The following NBPF20 variants were observed in gnomAD, a reference collection of about 807,000 sequenced individuals.
NBPF20 encodes NBPF family member NBPF20.
Under a neutral mutation model 68.1 loss-of-function variants are expected in NBPF20, and 90 were observed. The ratio of observed to expected loss-of-function variants is 1.32; its 90% CI spans 1.11 to 1.58. The LOEUF (loss-of-function observed/expected upper bound fraction) is 1.58, where lower values mean the gene tolerates loss of function less well. NBPF20 is among the 40% of genes most tolerant of loss of function. The probability of loss-of-function intolerance (pLI) is 0.00; values close to 1 mark genes in which losing one functional copy is unlikely to be tolerated. For missense variants in NBPF20, 816 were observed against 601.2 expected (o/e 1.36, Z -3.74); for synonymous variants, 290 against 228.1 (o/e 1.27, Z -2.45).
chr1:145,402,275 C>T, exon 4 of NBPF20: 1 of 1,610,202 alleles, frequency 6.2e-7, no homozygotes, highest in African/African-American at 1.3e-5. Context: ...GTAAGGAGGG[C>T]CTGGAGATGC....
chr1:145,292,495 A>G lies in NBPF20; in HGVS notation c.16589-6T>C. 1.4e-6 allele frequency: 1 copy of G among 708,676 alleles called. No homozygotes were observed. The highest frequency in any genetic ancestry group is 2.5e-6 in the Non-Finnish European group (1 of 398,986). The allele number at this position is 708,676 out of a possible 1,614,324, so 43.9% of individuals were successfully genotyped here. The stretch of plus-strand genomic sequence containing the variant: ...CTTCCCCTTCTTTTCAATTTCTGCA[A>G]TAAATTCAGACATGGACAGACACAT... On this transcript the variant is annotated splice_region_variant and splice_polypyrimidine_tract_variant and intron_variant, in intron 136 of 137. Transcript: ENST00000369373.
At chr1:145,405,856 T>G (rs1374193133), upstream of NBPF20, 1 of 212,066 alleles carries the variant, frequency 4.7e-6, no homozygotes, top group Non-Finnish European at 9.4e-6. Context: ...ATTTTCTTAA[T>G]GGTAGTCATG....
chr1:145,405,981 C>T (rs1350507688), upstream of NBPF20, among the ~76,000 whole-genome samples: 4 of 150,148 alleles, frequency 2.7e-5, no homozygotes, highest in African/African-American at 4.9e-5. Context: ...TGCAGTGACG[C>T]GATCTAGGCT....
At chr1:145,393,801 T>C in intron 9 of NBPF20, 83 bp downstream of exon 14, 1 of 1,294,338 alleles carries the variant, frequency 7.7e-7, no homozygotes, top group Non-Finnish European at 1.1e-6. Flanking sequence ...AAAATCATTA[T>C]TTTCAGCATG....
the NBPF20 span, among the ~76,000 whole-genome samples, chr1:145,422,903 C>T: frequency 1.2e-4 from 17 of 147,010 alleles, no homozygotes; most frequent in Non-Finnish European, 1.8e-4. Context: ...GTGGGAGGAT[C>T]GCTTGAGCCA....
intron 5 of NBPF20, 52 bp downstream of exon 10, chr1:145,401,007 A>G (rs1474145077): frequency 7.2e-6 from 11 of 1,526,682 alleles, no homozygotes; most frequent in Non-Finnish European, 1.0e-5. Context: ...TGCCTCCTAG[A>G]TATTCCTCAT....
the NBPF20 span, among the ~76,000 whole-genome samples, chr1:145,423,945 G>A: frequency 1.3e-5 from 2 of 149,056 alleles, no homozygotes; most frequent in South Asian, 2.2e-4. Flanking sequence ...GATCTGTGGT[G>A]GTTCACTTGG....
intron 7 of NBPF20, among the ~76,000 whole-genome samples, chr1:145,398,341 C>T (rs1420624621): frequency 4.6e-5 from 7 of 151,684 alleles, no homozygotes; most frequent in East Asian, 1.9e-4. Flanking sequence ...GTAAAGCACT[C>T]GTCAGCAAAT....
the NBPF20 span, among the ~76,000 whole-genome samples, chr1:145,414,738 A>T: frequency 7.8e-6 from 1 of 128,812 alleles, no homozygotes; most frequent in Non-Finnish European, 1.6e-5. Flanking sequence ...TACAGTAAAA[A>T]TATTGCCCTC....
Position 145,296,076 on chromosome 1 carries a change from C to G in NBPF20, c.16138+262G>C, listed in dbSNP as rs1327303343. The G allele has an allele frequency of 3.0e-5, 5 of 165,126 alleles. No individual in the cohort carries two copies. The Admixed American group carries it at 4.5e-4, about 15-fold the overall frequency. 10.2% of individuals were successfully genotyped at this position (165,126 alleles called of 1,614,324 possible). On this transcript the variant is annotated intron_variant, in intron 132 of 137. Coordinates refer to ENST00000369373, the Ensembl canonical transcript of NBPF20. ...AAATCAGAGTTGTGTGAATTTGTCA[C>G]ATCTGCCCAGGTCCAACATCATGAG...
the NBPF20 span, among the ~76,000 whole-genome samples, chr1:145,420,163 C>T: frequency 5.5e-5 from 8 of 146,412 alleles, no homozygotes; most frequent in African/African-American, 1.3e-4. Context: ...AAACAAGAGA[C>T]GGAAATGGGG....
intron 8 of NBPF20, among the ~76,000 whole-genome samples, chr1:145,394,491 C>G (rs1662117602): frequency 6.6e-6 from 1 of 152,014 alleles, no homozygotes; most frequent in Non-Finnish European, 1.5e-5. Flanking sequence ...ACTTAGAAGA[C>G]ACAGAAAATG....
exon 9 of NBPF20, chr1:145,393,894 T>C (rs1662073903): frequency 4.5e-6 from 7 of 1,542,706 alleles, no homozygotes; most frequent in African/African-American, 1.4e-5. Flanking sequence ...CTGGGACCTG[T>C]TGCCTCTTGG....
In NBPF20 at chr1:145,405,385, T is replaced by C. The variant is rs587683329; in HGVS notation, c.-36+25A>G. ...TAGGTTTAATCAGGACTGAGGGATGTCAGTAACTGAAATTCTTACCTTACT... is the reference window on the plus strand; with the variant it reads ...TAGGTTTAATCAGGACTGAGGGATGCCAGTAACTGAAATTCTTACCTTACT... On this transcript the variant is annotated intron_variant, in intron 1 of 137. Coordinates refer to ENST00000369373, the Ensembl canonical transcript of NBPF20. The C allele has an allele frequency of 3.3e-6, 5 of 1,519,368 alleles. No homozygotes were observed. The Admixed American group carries it at 7.4e-5, about 23-fold the overall frequency. The allele number at this position is 1,519,368 out of a possible 1,614,324, so 94.1% of individuals were successfully genotyped here.
At chr1:145,292,037 G>A (rs1403132131) in intron 137 of NBPF20, among the ~76,000 whole-genome samples, 4 of 149,578 alleles carry the variant, frequency 2.7e-5, no homozygotes, top group African/African-American at 1.0e-4. Context: ...TACTGGTAAG[G>A]GAGTCAAAGG....
Position 145,393,943 on chromosome 1 carries a change from T to C in NBPF20, c.992-8A>G. 1.5e-6 allele frequency: 2 copies of C among 1,311,462 alleles called. No individual in the cohort carries two copies. The highest frequency in any genetic ancestry group is 3.4e-5 in the Admixed American group (2 of 59,682). 81.2% of individuals were successfully genotyped at this position (1,311,462 alleles called of 1,614,324 possible). ...CTTGATCCCACCGATGTCCTGCAAA[T>C]AAATTCAGATGGGCCCTCTTACATT... On this transcript the variant is annotated splice_region_variant and splice_polypyrimidine_tract_variant and intron_variant, in intron 8 of 137. Transcript: ENST00000369373.
At chr1:145,410,558 C>A (rs1377546048), upstream of NBPF20, among the ~76,000 whole-genome samples, 7 of 150,796 alleles carry the variant, frequency 4.6e-5, no homozygotes, top group Non-Finnish European at 7.4e-5. Flanking sequence ...CGTGATCCGC[C>A]CGCCTCGGCC....
intron 137 of NBPF20, 83 bp from the exon 143 acceptor site, chr1:145,291,852 G>T (rs1352917751): frequency 6.2e-7 from 1 of 1,607,922 alleles, no homozygotes; most frequent in African/African-American, 1.3e-5. Context: ...AGTCACATAA[G>T]GAAGTGGTTA....
At chr1:145,334,396 G>T in intron 84 of NBPF20, 63 bp downstream of exon 89, 1 of 203,014 alleles carries the variant, frequency 4.9e-6, no homozygotes, top group Non-Finnish European at 8.8e-6. Context: ...ACTTGGAACA[G>T]GAATATCACC....
Sources: allele counts gnomAD v4.1 joint callset (sites outside exome capture counted in the v4.1 genomes callset), GRCh38; gene constraint gnomAD v4.1.1; transcripts MANE v1.5; gene names NCBI Gene and HGNC (gene_info 2026-07-23, HGNC 2026-07-21).